Variants in SYNE1 observed in about 807,000 individuals in gnomAD.
The protein encoded by SYNE1 is spectrin repeat containing nuclear envelope protein 1, also known as nesprin-1.
A neutral mutation model predicts 1,111.0 loss-of-function variants in SYNE1; 616 were observed. The ratio of observed to expected loss-of-function variants is 0.55; its 90% confidence interval spans 0.52 to 0.59. The LOEUF is 0.59. SYNE1 is among the 20% of genes least tolerant of loss of function. The pLI is 0.00. For missense variants in SYNE1, 10,006 were observed against 10,417.0 expected (o/e 0.96, Z 1.72); for synonymous variants, 3,855 against 3,825.8 (o/e 1.01, Z -0.28).
At chr6:152,184,612 C>A (rs1316528825) in intron 128 of SYNE1, among the ~76,000 whole-genome samples, 1 of 150,732 alleles carries the variant, frequency 6.6e-6, no homozygotes, top group Admixed American at 6.7e-5. Flanking sequence ...CTCCACTAAG[C>A]AGCTGGATTA....
At chr6:152,174,809 C>A (rs943882826) in intron 130 of SYNE1, among the ~76,000 whole-genome samples, 10 of 152,168 alleles carry the variant, frequency 6.6e-5, no homozygotes, top group Non-Finnish European at 1.2e-4. Context: ...GAACAATACA[C>A]AAAAAGATGC....
intron 91 of SYNE1, among the ~76,000 whole-genome samples, chr6:152,304,280 C>A (rs1416885639): frequency 1.3e-5 from 2 of 152,302 alleles, no homozygotes; most frequent in Admixed American, 6.5e-5. Context: ...AGTCACCAAG[C>A]TTTCGCACAA....
At position 152,519,796 on chromosome 6, in the gene SYNE1, T is replaced by C. The variant is rs549014578; in HGVS notation, c.309+663A>G. 2.6e-4 allele frequency among the ~76,000 whole-genome samples: 40 copies of C among 152,254 alleles called. No homozygotes were observed. The South Asian group carries it at 8.1e-3, about 31-fold the overall frequency. ...AAAGGGAAAAACAGTGACTCTACCATAGGAAAGCATGGCAGACACCACATT... is the reference window on the plus strand; with the variant it reads ...AAAGGGAAAAACAGTGACTCTACCACAGGAAAGCATGGCAGACACCACATT... On this transcript the variant is annotated intron_variant, in intron 6 of 145. Transcript: ENST00000367255.
At chr6:152,611,793 CTG>C (rs1485149826) in intron 3 of SYNE1, among the ~76,000 whole-genome samples, 3 of 152,118 alleles carry the variant, frequency 2.0e-5, no homozygotes, top group Admixed American at 6.6e-5. Context: ...TCACAACAAA[CTG>C]TCTCTCAGAC....
Position 152,362,258 on chromosome 6 carries a change from C to G in SYNE1, c.10211G>C (p.Trp3404Ser). The change falls in exon 64 of 146, where the codon TGG (tryptophan) becomes TCG (serine). Residue 3404 changes from tryptophan to serine, a missense_variant. Transcript: ENST00000367255. Reference sequence around the variant, plus strand: ...CAGGTTGGCTTCCATACTATCCATCCAACCGGAGAACTGTCGAACGCCATC... The same window carrying G: ...CAGGTTGGCTTCCATACTATCCATCGAACCGGAGAACTGTCGAACGCCATC... ...YQDGVRQFSGWMDSMEANLNE... is the reference protein window; with the variant it reads ...YQDGVRQFSGSMDSMEANLNE... 6.2e-7 allele frequency: 1 copy of G among 1,614,232 alleles called. No homozygotes were observed. The highest frequency in any genetic ancestry group is 8.5e-7 in the Non-Finnish European group (1 of 1,180,044).
chr6:152,434,077 C>G, intron 33 of SYNE1, 132 bp from the exon 34 acceptor site: 2 of 844,110 alleles, frequency 2.4e-6, no homozygotes, highest in South Asian at 3.5e-5. Flanking sequence ...ACTATTCACG[C>G]TAAAAAAAAA....
At chr6:152,635,588 C>T (rs1318027434) in intron 2 of SYNE1, among the ~76,000 whole-genome samples, 1 of 152,124 alleles carries the variant, frequency 6.6e-6, no homozygotes, top group African/African-American at 2.4e-5. Flanking sequence ...ATATTAATGA[C>T]CTTTGCCTCA....
chr6:152,268,237 C>T lies in SYNE1; in HGVS notation c.18706-72G>A, dbSNP rs2092892196. On this transcript the variant is annotated intron_variant, in intron 99 of 145. Transcript: ENST00000367255. ...TTATTGCCTACAATCATAGTTCTAG[C>T]TATAAAATTCTCAGAGAACTTCGGT... 27 of 1,251,734 alleles carry T rather than the reference C, an allele frequency of 2.2e-5. No homozygotes were observed. In the South Asian group the frequency reaches 3.3e-4, roughly 15 times the overall value. 77.5% of individuals were successfully genotyped at this position (1,251,734 alleles called of 1,614,324 possible).
At chr6:152,466,646 A>G (rs1452197990) in intron 16 of SYNE1, among the ~76,000 whole-genome samples, 3 of 152,168 alleles carry the variant, frequency 2.0e-5, no homozygotes, top group Admixed American at 2.0e-4. Context: ...ATGTTTATAT[A>G]TCTATTTGTA....
chr6:152,355,443 TC>T (rs1261332455), intron 66 of SYNE1, among the ~76,000 whole-genome samples: 1 of 152,232 alleles, frequency 6.6e-6, no homozygotes, highest in African/African-American at 2.4e-5. Flanking sequence ...AAAGCTGTAC[TC>T]TAGGCATTGT....
chr6:152,543,854 T>C (rs1455690477), intron 3 of SYNE1, among the ~76,000 whole-genome samples: 1 of 152,180 alleles, frequency 6.6e-6, no homozygotes, highest in East Asian at 1.9e-4. Context: ...CTGTACAAGT[T>C]TGTAGCCTAG....
intron 73 of SYNE1, 57 bp from the exon 74 acceptor site, chr6:152,344,284 T>C: frequency 6.2e-7 from 1 of 1,610,076 alleles, no homozygotes; most frequent in Non-Finnish European, 8.5e-7. Flanking sequence ...TCTATAAAGA[T>C]CATTCAAATT....
Position 152,145,693 on chromosome 6 carries a change from G to C in SYNE1, c.24977-1928C>G, listed in dbSNP as rs1055094474. 3 of 757,242 alleles carry C rather than the reference G, an allele frequency of 4.0e-6. No individual in the cohort carries two copies. The Admixed American group carries it at 6.1e-5, about 15-fold the overall frequency. 46.9% of individuals were successfully genotyped at this position (757,242 alleles called of 1,614,324 possible). A position where few individuals can be genotyped will look rare whatever the true frequency, so the allele number is the denominator to read the frequency against. On this transcript the variant is annotated intron_variant, in intron 137 of 145. Coordinates refer to ENST00000367255, the MANE Select transcript of SYNE1 (RefSeq NM_182961.4). ...ATAGCTCCTGAGCGCACAGAGGAGC[G>C]TGCAGGCTCACCAAAGCTTTCCTGA...
intron 127 of SYNE1, among the ~76,000 whole-genome samples, chr6:152,193,212 A>AT (rs1243836616): frequency 2.6e-5 from 4 of 151,346 alleles, no homozygotes; most frequent in African/African-American, 9.7e-5. Context: ...GTTGCTTTTT[A>AT]TTTTTTGTGT....
chr6:152,600,227 C>T (rs577219172), intron 3 of SYNE1, among the ~76,000 whole-genome samples: 2 of 152,210 alleles, frequency 1.3e-5, no homozygotes, highest in East Asian at 1.9e-4. Flanking sequence ...CAACAGATGG[C>T]GAGAGGCTAA....
At chr6:152,387,522 G>A (rs1311516355) in intron 53 of SYNE1, 141 bp from the exon 54 acceptor site, 6 of 790,560 alleles carry the variant, frequency 7.6e-6, no homozygotes, top group Non-Finnish European at 1.3e-5. Context: ...TGAGTGCAGG[G>A]AGAAACACTA....
chr6:152,435,705 A>T, intron 33 of SYNE1: 1 of 585,120 alleles, frequency 1.7e-6, no homozygotes, highest in African/African-American at 1.9e-5. Context: ...CTTTCTCATG[A>T]ACATGATCAG....
At chr6:152,289,924 CCTT>C (rs1562817344) in intron 95 of SYNE1, among the ~76,000 whole-genome samples, 1 of 115,302 alleles carries the variant, frequency 8.7e-6, no homozygotes, top group Non-Finnish European at 1.8e-5. Flanking sequence ...CCGCGCCCAG[CCTT>C]TTTTTTTTTT....
intron 56 of SYNE1, among the ~76,000 whole-genome samples, chr6:152,377,542 G>A (rs181502751): frequency 6.8e-6 from 1 of 146,278 alleles, no homozygotes; most frequent in Non-Finnish European, 1.5e-5. Context: ...CTGGGAGGTG[G>A]AGGTTGCAGT....
Sources: allele counts gnomAD v4.1 joint callset (sites outside exome capture counted in the v4.1 genomes callset), GRCh38; gene constraint gnomAD v4.1.1; transcripts MANE v1.5; gene names NCBI Gene and HGNC (gene_info 2026-07-23, HGNC 2026-07-21).